ATG10: variants seen among roughly 807,000 people sequenced by gnomAD.
ATG10 encodes autophagy related 10.
In ATG10, 30 loss-of-function variants were observed where a neutral mutation model predicts 32.1. The observed-to-expected ratio is 0.94, with a 90% CI of 0.70 to 1.27. The LOEUF (loss-of-function observed/expected upper bound fraction) is 1.27, where lower values mean the gene tolerates loss of function less well. Ranked by LOEUF, ATG10 falls within the 50% of genes most tolerant of loss-of-function variation. The probability of loss-of-function intolerance (pLI) is 0.00; values close to 1 mark genes in which losing one functional copy is unlikely to be tolerated. For synonymous variants in ATG10, 87 were observed against 91.5 expected (o/e 0.95, Z 0.28); for missense variants, 233 against 262.3 (o/e 0.89, Z 0.77).
intron 3 of ATG10, among the ~76,000 whole-genome samples, chr5:82,081,144 C>T (rs1764465439): frequency 6.6e-6 from 1 of 152,120 alleles, no homozygotes; most frequent in Non-Finnish European, 1.5e-5. Context: ...GGAGTTCACT[C>T]ATGATTTGGC....
At chr5:82,115,982 C>T (rs533927426) in intron 3 of ATG10, among the ~76,000 whole-genome samples, 99 of 152,176 alleles carry the variant, frequency 6.5e-4, no homozygotes, top group East Asian at 2.5e-3. Flanking sequence ...ACACAGTTTG[C>T]GTAGAAAGTT....
intron 5 of ATG10, among the ~76,000 whole-genome samples, chr5:82,220,541 T>G (rs569512065): frequency 3.2e-4 from 49 of 151,912 alleles, no homozygotes; most frequent in African/African-American, 1.2e-3. Flanking sequence ...GGATTACAGG[T>G]GTGAGCTACC....
At chr5:82,079,522 C>G (rs1395566292) in intron 3 of ATG10, among the ~76,000 whole-genome samples, 1 of 152,096 alleles carries the variant, frequency 6.6e-6, no homozygotes, top group African/African-American at 2.4e-5. Flanking sequence ...CCCAATCCCC[C>G]ACCCCACGAC....
intron 3 of ATG10, among the ~76,000 whole-genome samples, chr5:82,093,334 A>G (rs1317181068): frequency 1.3e-5 from 2 of 151,986 alleles, no homozygotes; most frequent in Non-Finnish European, 2.9e-5. Flanking sequence ...GATCGTTTCT[A>G]TTGTTATGTC....
At chr5:82,200,205 T>A (rs190114160) in intron 5 of ATG10, among the ~76,000 whole-genome samples, 1 of 152,272 alleles carries the variant, frequency 6.6e-6, no homozygotes, top group Non-Finnish European at 1.5e-5. Context: ...CCAGACTATT[T>A]TGCAAAGCAT....
At chr5:82,188,725 C>CCAG (rs970699858) in intron 5 of ATG10, among the ~76,000 whole-genome samples, 3 of 152,034 alleles carry the variant, frequency 2.0e-5, no homozygotes, top group African/African-American at 7.2e-5. Flanking sequence ...GGAACACAGG[C>CCAG]TCTGCTGCTA....
At position 81,983,185 on chromosome 5, in the gene ATG10, G is replaced by C. The variant is rs1221295702; in HGVS notation, c.-12-4374G>C. On this transcript the variant is annotated intron_variant, in intron 1 of 7. Coordinates refer to ENST00000282185, the MANE Select transcript of ATG10 (RefSeq NM_031482.5). Reference sequence around the variant, plus strand: ...GGGGCGGCTGGCCGGGCGGGGGACTGATCCCCCCACCTCCCTCCCGGACGG... The same window carrying C: ...GGGGCGGCTGGCCGGGCGGGGGACTCATCCCCCCACCTCCCTCCCGGACGG... Among the ~76,000 whole-genome samples, 163 of 149,998 alleles carry C rather than the reference G, an allele frequency of 1.1e-3. 1 individual carries two copies. The highest frequency in any genetic ancestry group is 1.7e-3 in the Non-Finnish European group (114 of 67,298).
chr5:82,229,908 T>C (rs952363569), intron 5 of ATG10, among the ~76,000 whole-genome samples: 7 of 152,208 alleles, frequency 4.6e-5, no homozygotes, highest in Non-Finnish European at 8.8e-5. Context: ...GAAACTCACG[T>C]CATATAATGC....
At chr5:82,003,200 TG>T (rs1481835375) in intron 2 of ATG10, among the ~76,000 whole-genome samples, 2 of 152,196 alleles carry the variant, frequency 1.3e-5, no homozygotes, top group Non-Finnish European at 2.9e-5. Context: ...AAGATAAAAG[TG>T]ATTAGTAGAA....
intron 3 of ATG10, chr5:82,078,462 A>G (rs568535970): frequency 5.9e-5 from 9 of 152,366 alleles, no homozygotes; most frequent in African/African-American, 2.2e-4. Flanking sequence ...AGTCCCAGCT[A>G]CTCAGGAGGC....
chr5:82,013,396 A>G (rs1762185533), intron 2 of ATG10, among the ~76,000 whole-genome samples: 1 of 152,052 alleles, frequency 6.6e-6, no homozygotes, highest in African/African-American at 2.4e-5. Flanking sequence ...AAATGCCATT[A>G]TTTTGTTCCT....
intron 3 of ATG10, among the ~76,000 whole-genome samples, chr5:82,152,866 A>T (rs2149883134): frequency 6.6e-6 from 1 of 152,304 alleles, no homozygotes; most frequent in South Asian, 2.1e-4. Context: ...AAGTTTAGAG[A>T]TCTCTGATTT....
chr5:82,229,571 C>T (rs1035944277), intron 5 of ATG10, among the ~76,000 whole-genome samples: 11 of 152,144 alleles, frequency 7.2e-5, no homozygotes, highest in African/African-American at 2.4e-4. Context: ...TATCATTTTT[C>T]AGACCCTAGC....
intron 3 of ATG10, among the ~76,000 whole-genome samples, chr5:82,068,415 G>A (rs911852051): frequency 1.1e-4 from 17 of 152,084 alleles, no homozygotes; most frequent in African/African-American, 3.9e-4. Context: ...GGGGGAGAGG[G>A]GAAGGATAGC....
At chr5:82,109,617 T>C (rs1765550708) in intron 3 of ATG10, among the ~76,000 whole-genome samples, 1 of 151,766 alleles carries the variant, frequency 6.6e-6, no homozygotes, top group African/African-American at 2.4e-5. Flanking sequence ...TATAATGATA[T>C]ATGTTCACTA....
At chr5:82,019,321 T>C (rs1665171776) in intron 2 of ATG10, among the ~76,000 whole-genome samples, 1 of 152,164 alleles carries the variant, frequency 6.6e-6, no homozygotes. Flanking sequence ...TGGATTTTTT[T>C]CTATAATGAT....
At chr5:82,049,396 T>G (rs1287653250) in intron 2 of ATG10, among the ~76,000 whole-genome samples, 2 of 71,080 alleles carry the variant, frequency 2.8e-5, no homozygotes, top group East Asian at 4.8e-4. Context: ...TGGGGACTGT[T>G]GTGGGGGTGG....
chr5:82,115,983 G>A (rs780327262), intron 3 of ATG10, among the ~76,000 whole-genome samples: 16 of 152,126 alleles, frequency 1.1e-4, no homozygotes, highest in South Asian at 2.1e-4. Flanking sequence ...CACAGTTTGC[G>A]TAGAAAGTTA....
At chr5:82,042,192 C>CA (rs1763104095) in intron 2 of ATG10, among the ~76,000 whole-genome samples, 1 of 152,126 alleles carries the variant, frequency 6.6e-6, no homozygotes, top group African/African-American at 2.4e-5. Flanking sequence ...AGGAAACTGA[C>CA]AGTCATGGCA....
Sources: gnomAD v4.1 joint callset for allele counts (sites outside exome capture counted in the v4.1 genomes callset) on GRCh38, gnomAD v4.1.1 for gene constraint, MANE v1.5 for transcripts, NCBI Gene and HGNC (gene_info 2026-07-23, HGNC 2026-07-21) for gene names.